RPS6KA6: variants seen among roughly 807,000 people sequenced by gnomAD.
RPS6KA6 encodes the protein ribosomal protein S6 kinase alpha-6.
In RPS6KA6, 27 loss-of-function variants were observed where a neutral mutation model predicts 65.4. The observed-to-expected ratio is 0.41, with a 90% CI of 0.30 to 0.57. The LOEUF (loss-of-function observed/expected upper bound fraction) is 0.57, where lower values mean the gene tolerates loss of function less well. Ranked by LOEUF, RPS6KA6 falls within the 20% of genes least tolerant of loss-of-function variation. The pLI is 0.24. For synonymous variants in RPS6KA6, 190 were observed against 184.2 expected (o/e 1.03, Z -0.26); for missense variants, 486 against 555.6 (o/e 0.87, Z 1.26).
intron 18 of RPS6KA6, among the ~76,000 whole-genome samples, chrX:84,098,887 T>C (rs1479144566): frequency 9.0e-6 from 1 of 111,566 alleles, no homozygotes; most frequent in Non-Finnish European, 1.9e-5. Context: ...TAGGGAACTA[T>C]AAAGTACTTA....
intron 6 of RPS6KA6, among the ~76,000 whole-genome samples, chrX:84,136,545 A>G (rs2034994825): frequency 1.8e-5 from 2 of 111,891 alleles, no homozygotes; most frequent in Non-Finnish European, 3.8e-5. Flanking sequence ...AAGAATAAAA[A>G]TAACTGTTGC....
intron 9 of RPS6KA6, among the ~76,000 whole-genome samples, chrX:84,118,846 C>A (rs1300436482): frequency 9.0e-6 from 1 of 111,669 alleles, no homozygotes; most frequent in Non-Finnish European, 1.9e-5. Flanking sequence ...ATACAATTTT[C>A]TCTAATTTCC....
At chrX:84,145,900 T>C (rs2035189775) in intron 5 of RPS6KA6, among the ~76,000 whole-genome samples, 1 of 111,489 alleles carries the variant, frequency 9.0e-6, no homozygotes. Context: ...CCACTTCCTC[T>C]ATTAAACTTT....
intron 20 of RPS6KA6, among the ~76,000 whole-genome samples, chrX:84,065,315 C>A (rs1335409601): frequency 1.8e-5 from 2 of 111,468 alleles, no homozygotes; most frequent in African/African-American, 6.5e-5. Context: ...TCCTTATACA[C>A]CACTTTTAAA....
At chrX:84,103,960 A>G (rs2034306131) in intron 17 of RPS6KA6, among the ~76,000 whole-genome samples, 1 of 110,905 alleles carries the variant, frequency 9.0e-6, no homozygotes, top group Non-Finnish European at 1.9e-5. Flanking sequence ...ACAGTTATAT[A>G]TATTAAAAGT....
rs2147306336 is a variant in RPS6KA6 at position 84,060,933 on chromosome X, T to C, written c.*3344A>G. 8.9e-6 allele frequency: 1 copy of C among 112,285 alleles called. No individual in the cohort carries two copies. The highest frequency in any genetic ancestry group is 3.2e-5 in the African/African-American group (1 of 30,965). The allele number at this position is 112,285 out of a possible 1,213,427, so 9.3% of individuals were successfully genotyped here. A position where few individuals can be genotyped will look rare whatever the true frequency, so the allele number is the denominator to read the frequency against. On this transcript the variant is annotated 3_prime_UTR_variant, in exon 22 of 22. Coordinates refer to ENST00000262752, the MANE Select transcript of RPS6KA6 (RefSeq NM_014496.5). ...TAATAAGATAGCTTTCCTTTCACCT[T>C]TTTAGCTGGAAATGTCTGTTCTGAT...
At chrX:84,074,378 G>T (rs981805649) in intron 20 of RPS6KA6, among the ~76,000 whole-genome samples, 1 of 111,613 alleles carries the variant, frequency 9.0e-6, no homozygotes, top group South Asian at 3.7e-4. Flanking sequence ...TTGAGGGAGG[G>T]ATGGGGAGAG....
intron 20 of RPS6KA6, among the ~76,000 whole-genome samples, chrX:84,078,348 A>G (rs1194098769): frequency 8.9e-6 from 1 of 112,136 alleles, no homozygotes; most frequent in East Asian, 2.8e-4. Context: ...TCATATGCTA[A>G]TGGTGAAAAT....
rs1051113823 is a variant in RPS6KA6, at chrX:84,059,307, T to C, written c.*4970A>G. The C allele has an allele frequency of 9.2e-6, 1 of 108,160 alleles. No individual in the cohort carries two copies. The highest frequency in any genetic ancestry group is 1.9e-5 in the Non-Finnish European group (1 of 52,319). The allele number at this position is 108,160 out of a possible 1,213,427, so 8.9% of individuals were successfully genotyped here. On this transcript the variant is annotated 3_prime_UTR_variant, in exon 22 of 22. Coordinates refer to ENST00000262752, the MANE Select transcript of RPS6KA6 (RefSeq NM_014496.5). ...CCACCACACCTGGCTAACTTTGTAT[T>C]TTTAGTAGAGACGGGTTTCTCCATG...
intron 1 of RPS6KA6, chrX:84,186,141 TTG>T: frequency 2.0e-6 from 1 of 510,147 alleles, no homozygotes. Context: ...GAGAGACCCA[TTG>T]TTAAATCTCT....
chrX:84,103,062 TG>T (rs1193350936), intron 17 of RPS6KA6, among the ~76,000 whole-genome samples: 2 of 111,066 alleles, frequency 1.8e-5, no homozygotes, highest in Non-Finnish European at 3.8e-5. Context: ...CTTAAACAAA[TG>T]AAACAATAAT....
At chrX:84,182,822 C>G (rs2035876825) in intron 1 of RPS6KA6, among the ~76,000 whole-genome samples, 1 of 111,928 alleles carries the variant, frequency 8.9e-6, no homozygotes, top group African/African-American at 3.3e-5. Flanking sequence ...AGAAAAAATA[C>G]AGATGTCCCT....
intron 1 of RPS6KA6, among the ~76,000 whole-genome samples, chrX:84,174,717 T>A (rs2035738403): frequency 8.9e-6 from 1 of 111,774 alleles, no homozygotes; most frequent in African/African-American, 3.3e-5. Context: ...CCTTACCCTA[T>A]GAAGACTTCT....
intron 20 of RPS6KA6, among the ~76,000 whole-genome samples, chrX:84,089,031 C>T (rs914106263): frequency 9.0e-6 from 1 of 111,144 alleles, no homozygotes; most frequent in African/African-American, 3.3e-5. Flanking sequence ...CTCCTCCCAC[C>T]AGGGGCTCCA....
At chrX:84,171,432 T>A (rs1252522808) in intron 1 of RPS6KA6, among the ~76,000 whole-genome samples, 1 of 112,161 alleles carries the variant, frequency 8.9e-6, no homozygotes, top group Non-Finnish European at 1.9e-5. Context: ...TTTTACAGTT[T>A]AATCATTTTA....
At chrX:84,162,957 C>A (rs781484424) in intron 2 of RPS6KA6, among the ~76,000 whole-genome samples, 1 of 111,797 alleles carries the variant, frequency 8.9e-6, no homozygotes, top group Non-Finnish European at 1.9e-5. Context: ...TATTGTCAAT[C>A]AAAATTAAAA....
intron 20 of RPS6KA6, among the ~76,000 whole-genome samples, chrX:84,088,296 T>C (rs1329145456): frequency 8.9e-6 from 1 of 112,135 alleles, no homozygotes; most frequent in East Asian, 2.8e-4. Flanking sequence ...AGTGAGGTTT[T>C]TGTGGTGTCT....
At chrX:84,085,442 G>C (rs2033898912) in intron 20 of RPS6KA6, among the ~76,000 whole-genome samples, 1 of 111,122 alleles carries the variant, frequency 9.0e-6, no homozygotes, top group African/African-American at 3.3e-5. Flanking sequence ...AGATAATTGT[G>C]GTTTTTGTCT....
chrX:84,101,560 G>A (rs1284105030), intron 18 of RPS6KA6, among the ~76,000 whole-genome samples: 1 of 110,761 alleles, frequency 9.0e-6, no homozygotes, highest in Non-Finnish European at 1.9e-5. Context: ...GACAATCGAG[G>A]ATAGCACTGC....
Sources: gnomAD v4.1 joint callset for allele counts (sites outside exome capture counted in the v4.1 genomes callset) on GRCh38, gnomAD v4.1.1 for gene constraint, MANE v1.5 for transcripts, NCBI Gene and HGNC (gene_info 2026-07-23, HGNC 2026-07-21) for gene names.